The following CADPS2 variants were observed in gnomAD, a reference collection of about 807,000 sequenced individuals.
The protein encoded by CADPS2 is calcium dependent secretion activator 2.
In CADPS2, 93 loss-of-function variants were observed where a neutral mutation model predicts 172.5. The observed-to-expected ratio is 0.54, with a 90% CI of 0.46 to 0.64. The LOEUF (loss-of-function observed/expected upper bound fraction) is 0.64, where lower values mean the gene tolerates loss of function less well. Among genes scored for constraint, CADPS2 ranks in the 30% least tolerant of loss-of-function variants. The pLI is 0.00. For synonymous variants in CADPS2, 546 were observed against 555.2 expected (o/e 0.98, Z 0.23); for missense variants, 1,420 against 1,565.9 (o/e 0.91, Z 1.57).
At chr7:122,877,828 C>T (rs1054384775) in intron 1 of CADPS2, among the ~76,000 whole-genome samples, 7 of 152,022 alleles carry the variant, frequency 4.6e-5, no homozygotes, top group African/African-American at 1.7e-4. Context: ...CATCTCATTT[C>T]GTCACAACAG....
intron 20 of CADPS2, among the ~76,000 whole-genome samples, chr7:122,404,842 A>C (rs187970431): frequency 6.6e-5 from 10 of 152,172 alleles, no homozygotes; most frequent in African/African-American, 2.2e-4. Context: ...TATCTTACAT[A>C]TGGCCGGGCG....
intron 7 of CADPS2, among the ~76,000 whole-genome samples, chr7:122,570,242 C>T (rs1263853364): frequency 2.0e-5 from 3 of 152,064 alleles, no homozygotes; most frequent in Non-Finnish European, 4.4e-5. Flanking sequence ...AGACACTTCT[C>T]AAAAGAAGAC....
intron 1 of CADPS2, among the ~76,000 whole-genome samples, chr7:122,769,334 CG>C (rs1292498904): frequency 4.6e-5 from 7 of 152,156 alleles, no homozygotes; most frequent in African/African-American, 1.7e-4. Context: ...TAGAGCTTTC[CG>C]TATCTTGGGA....
intron 1 of CADPS2, among the ~76,000 whole-genome samples, chr7:122,855,107 C>T (rs1413384709): frequency 6.6e-6 from 1 of 152,180 alleles, no homozygotes; most frequent in East Asian, 1.9e-4. Context: ...CTGCTGTAGT[C>T]AGGGTGGGAG....
intron 2 of CADPS2, among the ~76,000 whole-genome samples, chr7:122,668,401 T>TAA (rs1564012790): frequency 2.0e-3 from 97 of 48,670 alleles, no homozygotes; most frequent in African/African-American, 0.014. Flanking sequence ...CAAAGTATGG[T>TAA]TAAAAAAAAA....
intron 2 of CADPS2, among the ~76,000 whole-genome samples, chr7:122,712,037 C>A (rs1174883074): frequency 6.6e-6 from 1 of 151,940 alleles, no homozygotes; most frequent in Non-Finnish European, 1.5e-5. Context: ...TAAAAAAAAA[C>A]ACTCTTGTAT....
At chr7:122,653,133 C>T (rs1426763719) in intron 3 of CADPS2, among the ~76,000 whole-genome samples, 2 of 152,128 alleles carry the variant, frequency 1.3e-5, no homozygotes, top group Admixed American at 6.6e-5. Flanking sequence ...CTTGAGTTGC[C>T]AGAGATTGCC....
intron 8 of CADPS2, among the ~76,000 whole-genome samples, chr7:122,535,091 TA>T (rs527598666): frequency 1.0e-3 from 156 of 152,250 alleles, no homozygotes; most frequent in African/African-American, 3.3e-3. Flanking sequence ...ACTTTTAACC[TA>T]ATCACTTTAC....
At chr7:122,497,404 A>G (rs2058823986) in intron 9 of CADPS2, among the ~76,000 whole-genome samples, 1 of 152,118 alleles carries the variant, frequency 6.6e-6, no homozygotes, top group African/African-American at 2.4e-5. Context: ...TCTCTATTAA[A>G]CATTAACAAA....
chr7:122,400,628 A>G (rs1015125520), intron 20 of CADPS2, among the ~76,000 whole-genome samples: 1 of 152,236 alleles, frequency 6.6e-6, no homozygotes, highest in African/African-American at 2.4e-5. Context: ...TCTGGGGATT[A>G]GAGTTAAATA....
intron 6 of CADPS2, among the ~76,000 whole-genome samples, chr7:122,582,166 AAAC>A (rs1382980292): frequency 6.6e-6 from 1 of 152,160 alleles, no homozygotes; most frequent in Non-Finnish European, 1.5e-5. Flanking sequence ...GTTAAAAATA[AAAC>A]AACAAATAAA....
chr7:122,850,200 A>G, intron 1 of CADPS2: 2 of 1,113,406 alleles, frequency 1.8e-6, no homozygotes, highest in South Asian at 2.7e-5. Flanking sequence ...GAGTACCCTG[A>G]GGCTATAACT....
intron 2 of CADPS2, among the ~76,000 whole-genome samples, chr7:122,705,963 TA>T (rs1319146709): frequency 1.9e-4 from 1 of 5,142 alleles, no homozygotes; most frequent in African/African-American, 3.4e-4. Flanking sequence ...AATATATATA[TA>T]ATATAATATA....
chr7:122,615,746 T>A (rs1322657121), intron 5 of CADPS2, among the ~76,000 whole-genome samples: 1 of 152,092 alleles, frequency 6.6e-6, no homozygotes, highest in South Asian at 2.1e-4. Context: ...ACTAACTCAC[T>A]GATATCAATA....
chr7:122,722,580 A>T (rs1257721434), intron 2 of CADPS2, among the ~76,000 whole-genome samples: 1 of 149,000 alleles, frequency 6.7e-6, no homozygotes, highest in East Asian at 2.0e-4. Context: ...ATGCTCATTG[A>T]TAGGAAGAAT....
rs190973230 is a variant in CADPS2, at chr7:122,761,873, C to T, written c.340-24805G>A. Among the ~76,000 whole-genome samples, 360 of 150,136 alleles carry T rather than the reference C, an allele frequency of 2.4e-3. 1 individual carries two copies. Among genetic ancestry groups the T allele is most frequent in the Non-Finnish European group, 3.3e-3 (220 of 67,610 alleles). On this transcript the variant is annotated intron_variant, in intron 1 of 29. Transcript: ENST00000449022. The stretch of plus-strand genomic sequence containing the variant: ...ATTAGCCGGGTGTGGTGGCATGCAC[C>T]GGTAATCCTAGCTACTACGGAAGCT...
intron 1 of CADPS2, among the ~76,000 whole-genome samples, chr7:122,875,161 G>A (rs552709088): frequency 8.5e-5 from 13 of 152,292 alleles, no homozygotes; most frequent in African/African-American, 2.2e-4. Context: ...GTGTACATAC[G>A]TGTTTACATT....
rs11297289 is a variant in CADPS2, at chr7:122,602,196, G to GA, written c.1223+12984dup. 4.3e-3 allele frequency among the ~76,000 whole-genome samples: 633 copies of GA among 147,744 alleles called. 3 individuals carry two copies. Among genetic ancestry groups the GA allele is most frequent in the Middle Eastern group, 7.0e-3 (2 of 286 alleles). ...AGATCAGAATCATGGCCAAATTAAG[G>GA]AAAAAAAAAAAGTTTATTTTTTTCA... On this transcript the variant is annotated intron_variant, in intron 6 of 29. Coordinates refer to ENST00000449022, the MANE Select transcript of CADPS2 (RefSeq NM_017954.11).
At chr7:122,342,277 T>C (rs1486986716) in intron 28 of CADPS2, among the ~76,000 whole-genome samples, 1 of 152,158 alleles carries the variant, frequency 6.6e-6, no homozygotes, top group East Asian at 1.9e-4. Context: ...CTGAAAACTC[T>C]TGAAGATATC....
Sources: allele counts gnomAD v4.1 joint callset (sites outside exome capture counted in the v4.1 genomes callset), GRCh38; gene constraint gnomAD v4.1.1; transcripts MANE v1.5; gene names NCBI Gene and HGNC (gene_info 2026-07-23, HGNC 2026-07-21).